Variants in DAB2IP observed in about 807,000 individuals in gnomAD.
The protein encoded by DAB2IP is disabled homolog 2-interacting protein.
In DAB2IP, 28 loss-of-function variants were observed where a neutral mutation model predicts 107.2. The observed-to-expected ratio is 0.26, with a 90% CI of 0.19 to 0.36. DAB2IP has a LOEUF of 0.36. DAB2IP is among the 10% of genes least tolerant of loss of function. DAB2IP has a pLI of 1.00. For missense variants in DAB2IP, 1,400 were observed against 1,644.7 expected, an observed-to-expected ratio of 0.85 and a Z score of 2.57; for synonymous variants, 755 against 706.4, an observed-to-expected ratio of 1.07 and a Z score of -1.09.
chr9:121,775,885 A>G (rs1835164568), intron 13 of DAB2IP, among the ~76,000 whole-genome samples: 1 of 152,140 alleles, frequency 6.6e-6, no homozygotes, highest in African/African-American at 2.4e-5. Context: ...AACCTTTGTC[A>G]TATAAAAGTT....
chr9:121,582,553 T>C (rs587936), intron 1 of DAB2IP, among the ~76,000 whole-genome samples: 80,620 of 151,548 alleles, frequency 0.53, 22,369 homozygotes, highest in Non-Finnish European at 0.62. Context: ...CCCCCGTGAC[T>C]CTCAGGATCT....
At chr9:121,694,145 T>G (rs187941855) in intron 2 of DAB2IP, among the ~76,000 whole-genome samples, 83 of 152,260 alleles carry the variant, frequency 5.5e-4, no homozygotes, top group African/African-American at 1.9e-3. Context: ...TGAGGCCTAG[T>G]ACAGTGCCTG....
At position 121,701,758 on chromosome 9, in the gene DAB2IP, C is replaced by A. The variant is rs1305245239; in HGVS notation, c.362+2300C>A. Among the ~76,000 whole-genome samples the A allele has an allele frequency of 6.6e-6, 1 of 152,136 alleles. No individual in the cohort carries two copies. The highest frequency in any genetic ancestry group is 1.5e-5 in the Non-Finnish European group (1 of 68,032). Reference sequence around the variant, plus strand: ...CAGTGAGTAAAAACAACTATGGTGACCCCGCCCGCCCCCCAGCTCATGGCC... The same window carrying A: ...CAGTGAGTAAAAACAACTATGGTGAACCCGCCCGCCCCCCAGCTCATGGCC... On this transcript the variant is annotated intron_variant, in intron 3 of 15. Transcript: ENST00000408936. The surrounding 1 kb of genome is among the most constrained non-coding windows in gnomAD (Gnocchi z 4.7).
chr9:121,578,690 A>C (rs916928834), intron 1 of DAB2IP, among the ~76,000 whole-genome samples: 5 of 102,924 alleles, frequency 4.9e-5, no homozygotes, highest in African/African-American at 7.6e-5. Context: ...CTCCCATCCC[A>C]TCCTCACTGC....
intron 1 of DAB2IP, among the ~76,000 whole-genome samples, chr9:121,602,094 T>C (rs540222865): frequency 2.6e-5 from 4 of 152,252 alleles, no homozygotes; most frequent in Non-Finnish European, 5.9e-5. Context: ...TCGAGGACCA[T>C]AGCACTAAGG....
chr9:121,741,873 C>CA (rs1466878839), intron 3 of DAB2IP, among the ~76,000 whole-genome samples: 1 of 151,304 alleles, frequency 6.6e-6, no homozygotes, highest in African/African-American at 2.4e-5. Context: ...ATATTATGTC[C>CA]ATTTTTGAGG....
intron 3 of DAB2IP, among the ~76,000 whole-genome samples, chr9:121,746,192 G>A (rs546254801): frequency 5.9e-5 from 9 of 152,238 alleles, no homozygotes; most frequent in South Asian, 2.1e-4. Context: ...CAGGAAGGGC[G>A]TGCGGGAAGG....
intron 6 of DAB2IP, among the ~76,000 whole-genome samples, chr9:121,761,620 C>G (rs1405530369): frequency 1.3e-5 from 2 of 152,212 alleles, no homozygotes; most frequent in African/African-American, 4.8e-5. Context: ...AAGTGCAGGG[C>G]TGGGGCGGGG....
intron 3 of DAB2IP, among the ~76,000 whole-genome samples, chr9:121,728,894 C>T (rs999781822): frequency 6.6e-5 from 10 of 152,182 alleles, no homozygotes; most frequent in African/African-American, 2.4e-4. Flanking sequence ...TAAGCAGCAT[C>T]ATTTGCATAT....
chr9:121,774,844 A>G (rs375436276), intron 13 of DAB2IP, among the ~76,000 whole-genome samples: 3 of 151,964 alleles, frequency 2.0e-5, no homozygotes, highest in East Asian at 3.9e-4. Flanking sequence ...TGGGAGAGCC[A>G]CCCCAGCCTG....
At chr9:121,596,439 C>T (rs762017335) in intron 1 of DAB2IP, among the ~76,000 whole-genome samples, 1 of 152,194 alleles carries the variant, frequency 6.6e-6, no homozygotes, top group Non-Finnish European at 1.5e-5. Flanking sequence ...TACCTGAGCA[C>T]AGGAGTTCGA....
At position 121,736,345 on chromosome 9, in the gene DAB2IP, A is replaced by C. The variant is rs1418176606; in HGVS notation, c.363-20668A>C. Among the ~76,000 whole-genome samples the C allele has an allele frequency of 1.3e-5, 2 of 152,112 alleles. No individual in the cohort carries two copies. The highest frequency in any genetic ancestry group is 4.8e-5 in the African/African-American group (2 of 41,414). On this transcript the variant is annotated intron_variant, in intron 3 of 15. Transcript: ENST00000408936. The surrounding 1 kb of genome is among the most constrained non-coding windows in gnomAD (Gnocchi z 4.6). ...GGGCTGGCGGGGCCGGTGGGGACCC[A>C]GACTCGCACGAAGGTGGGGAAGGAG...
At chr9:121,774,501 C>CG (rs1424254749) in intron 13 of DAB2IP, 89 bp downstream of exon 13, 58 of 1,420,890 alleles carry the variant, frequency 4.1e-5, no homozygotes, top group Non-Finnish European at 5.3e-5. Context: ...CCCCCAGCAA[C>CG]GGGTGCTGCT....
intron 11 of DAB2IP, 90 bp downstream of exon 11, chr9:121,770,814 CTACA>C: frequency 6.7e-7 from 1 of 1,496,218 alleles, no homozygotes; most frequent in African/African-American, 1.4e-5. Flanking sequence ...AAGAGGATGC[CTACA>C]TAGTGTTTAT....
In DAB2IP at chr9:121,701,323, G is replaced by A. The variant is rs904236664; in HGVS notation, c.362+1865G>A. 6.6e-6 allele frequency among the ~76,000 whole-genome samples: 1 copy of A among 152,192 alleles called. No individual in the cohort carries two copies. Among genetic ancestry groups the A allele is most frequent in the South Asian group, 2.1e-4 (1 of 4,836 alleles). On this transcript the variant is annotated intron_variant, in intron 3 of 15. Coordinates refer to ENST00000408936, the Ensembl canonical transcript of DAB2IP. The surrounding 1 kb of genome is among the most constrained non-coding windows in gnomAD (Gnocchi z 4.7). ...GTCGGGGCATGGCCAAGACGACCTC[G>A]TGCGGGTCCTGCCCCACTTGGCCTC...
At chr9:121,712,624 A>G (rs1345998922) in intron 3 of DAB2IP, among the ~76,000 whole-genome samples, 7 of 152,054 alleles carry the variant, frequency 4.6e-5, no homozygotes, top group Non-Finnish European at 1.0e-4. Context: ...GCTAGAAAGG[A>G]GAGTAAGGGG....
intron 3 of DAB2IP, among the ~76,000 whole-genome samples, chr9:121,754,226 C>G (rs1377377074): frequency 6.6e-6 from 1 of 152,332 alleles, no homozygotes; most frequent in East Asian, 1.9e-4. Flanking sequence ...TCACAGCAGA[C>G]CAGCTCCCTC....
intron 3 of DAB2IP, among the ~76,000 whole-genome samples, chr9:121,705,998 G>C (rs1830040704): frequency 6.6e-6 from 1 of 152,216 alleles, no homozygotes; most frequent in African/African-American, 2.4e-5. Flanking sequence ...AAAGCATCCA[G>C]CTCCCCCAGT....
chr9:121,681,321 T>C (rs537407023), intron 2 of DAB2IP, among the ~76,000 whole-genome samples: 1 of 152,336 alleles, frequency 6.6e-6, no homozygotes, highest in Admixed American at 6.5e-5. Context: ...GTTGCTCTAA[T>C]AGGGGTATTA....
Sources: allele counts gnomAD v4.1 joint callset (sites outside exome capture counted in the v4.1 genomes callset), GRCh38; gene constraint gnomAD v4.1.1; non-coding constraint Gnocchi (gnomAD v3.1); transcripts MANE v1.5; gene names NCBI Gene and HGNC (gene_info 2026-07-23, HGNC 2026-07-21).